The following ZNF732 variants were observed in gnomAD, a reference collection of about 807,000 sequenced individuals.
ZNF732 encodes zinc finger protein LOC654254.
A neutral mutation model predicts 11.5 loss-of-function variants in ZNF732; 12 were observed. The observed-to-expected ratio is 1.05, with a 90% CI of 0.67 to 1.70. The LOEUF (loss-of-function observed/expected upper bound fraction) is 1.70. Among genes scored for constraint, ZNF732 ranks in the 40% most tolerant of loss-of-function variants. The probability of loss-of-function intolerance (pLI) is 0.00; values close to 1 mark genes in which losing one functional copy is unlikely to be tolerated. For missense variants in ZNF732, 702 were observed against 676.9 expected (o/e 1.04, Z -0.41); for synonymous variants, 231 against 236.5 (o/e 0.98, Z 0.21).
intron 1 of ZNF732, 45 bp downstream of exon 1, chr4:305,263 G>C (rs1720207560): frequency 6.3e-7 from 1 of 1,594,900 alleles, no homozygotes; most frequent in Non-Finnish European, 8.5e-7. Flanking sequence ...CCGCCGGTTC[G>C]GATGAGGCCT....
At chr4:288,906 T>C (rs1169740081) in intron 3 of ZNF732, among the ~76,000 whole-genome samples, 5 of 152,200 alleles carry the variant, frequency 3.3e-5, no homozygotes, top group African/African-American at 1.2e-4. Flanking sequence ...AAAACATCCA[T>C]GTTATTGCAA....
chr4:305,289 G>A lies in ZNF732; in HGVS notation c.3+19C>T, dbSNP rs781863440. On this transcript the variant is annotated intron_variant, in intron 1 of 3. Coordinates refer to ENST00000419098, the MANE Select transcript of ZNF732 (RefSeq NM_001137608.3). ...GATGAGGCCTCCCCAGCCTTGGGAC[G>A]CCCTGCCCCCACACTCACCATTTCC... The A allele has an allele frequency of 2.5e-6, 4 of 1,605,676 alleles. No homozygotes were observed. In the Admixed American group the frequency reaches 5.0e-5, roughly 20 times the overall value.
intron 3 of ZNF732, among the ~76,000 whole-genome samples, chr4:281,029 C>T (rs1225475164): frequency 6.6e-6 from 1 of 152,156 alleles, no homozygotes; most frequent in Non-Finnish European, 1.5e-5. Flanking sequence ...TGGATCTTGA[C>T]GTGGCACTAT....
intron 3 of ZNF732, among the ~76,000 whole-genome samples, chr4:288,767 A>T (rs1052714461): frequency 1.1e-4 from 17 of 152,166 alleles, no homozygotes; most frequent in African/African-American, 3.9e-4. Flanking sequence ...TTTTTCCAAA[A>T]AGTAGGCTGG....
intron 1 of ZNF732, among the ~76,000 whole-genome samples, chr4:297,889 G>T (rs1719987650): frequency 6.6e-6 from 1 of 152,114 alleles, no homozygotes; most frequent in South Asian, 2.1e-4. Flanking sequence ...GTGGATCTGG[G>T]CAGGGTTAGG....
chr4:286,852 T>G (rs886168370), intron 3 of ZNF732, among the ~76,000 whole-genome samples: 1 of 152,140 alleles, frequency 6.6e-6, no homozygotes, highest in South Asian at 2.1e-4. Flanking sequence ...TCAGACCACA[T>G]GGAATAAAAC....
At position 295,480 on chromosome 4, in the gene ZNF732, G is replaced by C; in HGVS notation, c.184C>G (p.Pro62Ala). Residue 62 changes from proline (P) to alanine (A), a missense_variant, in exon 3 of 4, where the codon CCC becomes GCC. Physicochemically the swap from Pro to Ala is conservative, Grantham distance 27. Coordinates refer to ENST00000419098, the MANE Select transcript of ZNF732 (RefSeq NM_001137608.3). ...GTCTCATGTATCTTCACTTTGTAGGGCTCCTTTCTTTGCTCCAGATAGATG... is the reference window on the plus strand; with the variant it reads ...GTCTCATGTATCTTCACTTTGTAGGCCTCCTTTCTTTGCTCCAGATAGATG... Reference protein sequence around the residue: ...LVIYLEQRKEPYKVKIHETVA... With the variant: ...LVIYLEQRKEAYKVKIHETVA... 6.2e-7 allele frequency: 1 copy of C among 1,612,292 alleles called. No individual in the cohort carries two copies. Among genetic ancestry groups the C allele is most frequent in the African/African-American group, 1.3e-5 (1 of 74,964 alleles).
rs1004485095 is a variant in ZNF732, at chr4:286,097, A to G, written c.226+9341T>C. Among the ~76,000 whole-genome samples the G allele has an allele frequency of 7.2e-5, 11 of 152,242 alleles. 1 individual carries two copies. Among genetic ancestry groups the G allele is most frequent in the Admixed American group, 3.3e-4 (5 of 15,276 alleles). ...CCCCTGACAAAAAGTGCTGAAGGAA[A>G]TGGTGGTATACTTTAAATTGCAGCA... On this transcript the variant is annotated intron_variant, in intron 3 of 3. Transcript: ENST00000419098.
chr4:281,713 C>T (rs1719624200), intron 3 of ZNF732, among the ~76,000 whole-genome samples: 1 of 152,134 alleles, frequency 6.6e-6, no homozygotes, highest in Non-Finnish European at 1.5e-5. Flanking sequence ...ATATTTACCT[C>T]CTCAAACTAG....
Position 295,510 on chromosome 4 carries a change from G to T in ZNF732, c.154C>A (p.Leu52Met). 1.7e-5 allele frequency: 28 copies of T among 1,612,762 alleles called. No individual in the cohort carries two copies. The highest frequency in any genetic ancestry group is 2.4e-5 in the Non-Finnish European group (28 of 1,179,378). ...TTTCTTTGCTCCAGATAGATGACCAGGTCTGGGTTAGAGATAGCAACACCT... is the reference window on the plus strand; with the variant it reads ...TTTCTTTGCTCCAGATAGATGACCATGTCTGGGTTAGAGATAGCAACACCT... ...SLGVAISNPD[L>M]VIYLEQRKEP... Residue 52 changes from leucine (L) to methionine (M), a missense_variant, in exon 3 of 4, where the codon CTG (leucine) becomes ATG (methionine). Transcript: ENST00000419098.
At chr4:290,582 T>C (rs1553841216) in intron 3 of ZNF732, among the ~76,000 whole-genome samples, 1 of 152,180 alleles carries the variant, frequency 6.6e-6, no homozygotes, top group African/African-American at 2.4e-5. Context: ...ATTCAGAGGC[T>C]CACAGAGAGA....
intron 1 of ZNF732, among the ~76,000 whole-genome samples, chr4:300,404 A>G (rs1213652171): frequency 2.8e-5 from 4 of 144,638 alleles, no homozygotes; most frequent in Middle Eastern, 3.5e-3. Context: ...CAGAGGTTGT[A>G]GTGAGCAACC....
chr4:300,200 C>T (rs1306762545), intron 1 of ZNF732, among the ~76,000 whole-genome samples: 18 of 149,262 alleles, frequency 1.2e-4, no homozygotes, highest in Non-Finnish European at 2.4e-4. Flanking sequence ...TGGTGGCTCA[C>T]GCCGGTAATC....
intron 1 of ZNF732, among the ~76,000 whole-genome samples, chr4:297,655 G>A (rs1553842629): frequency 6.8e-6 from 1 of 147,956 alleles, no homozygotes; most frequent in Non-Finnish European, 1.5e-5. Context: ...AGAACAGGTT[G>A]CTGGATGAGA....
chr4:305,377 G>A lies in ZNF732; in HGVS notation c.-67C>T, dbSNP rs1174925584. ...ATCCAATACCCGCAGGTCACAGAGC[G>A]ACGGAGGCTGAGGCTGTGACCGAAT... On this transcript the variant is annotated 5_prime_UTR_variant, in exon 1 of 4. Transcript: ENST00000419098. The A allele has an allele frequency of 3.1e-6, 5 of 1,598,958 alleles. No homozygotes were observed. The African/African-American group carries it at 5.3e-5, about 17-fold the overall frequency.
intron 3 of ZNF732, among the ~76,000 whole-genome samples, chr4:279,113 T>C (rs1160109550): frequency 1.3e-5 from 2 of 151,522 alleles, no homozygotes; most frequent in African/African-American, 4.9e-5. Context: ...CTGAGAACAT[T>C]ATGTTAAGTA....
chr4:275,225 T>C (rs1476768218), intron 3 of ZNF732, among the ~76,000 whole-genome samples: 1 of 151,514 alleles, frequency 6.6e-6, no homozygotes, highest in Non-Finnish European at 1.5e-5. Flanking sequence ...GGAATGAGAG[T>C]AGAAATAAAG....
chr4:291,847 A>G (rs1386901923), intron 3 of ZNF732, among the ~76,000 whole-genome samples: 1 of 152,238 alleles, frequency 6.6e-6, no homozygotes, highest in East Asian at 1.9e-4. Flanking sequence ...GCAAAAGAGT[A>G]TGGTATGTGC....
chr4:280,836 C>A lies in ZNF732; in HGVS notation c.227-8206G>T, dbSNP rs192788451. 5.2e-4 allele frequency among the ~76,000 whole-genome samples: 79 copies of A among 152,276 alleles called. 1 individual carries two copies. Among genetic ancestry groups the A allele is most frequent in the African/African-American group, 1.9e-3 (77 of 41,556 alleles). ...TCTGCAAAGACACCTAGGAGAATTTCTAATGTTCTATGCCTCAGGTGAAAG... is the reference window on the plus strand; with the variant it reads ...TCTGCAAAGACACCTAGGAGAATTTATAATGTTCTATGCCTCAGGTGAAAG... On this transcript the variant is annotated intron_variant, in intron 3 of 3. Transcript: ENST00000419098.
Sources: allele counts gnomAD v4.1 joint callset (sites outside exome capture counted in the v4.1 genomes callset), GRCh38; gene constraint gnomAD v4.1.1; transcripts MANE v1.5; gene names NCBI Gene and HGNC (gene_info 2026-07-23, HGNC 2026-07-21).